The following HCFC1 variants were observed in gnomAD, a reference collection of about 807,000 sequenced individuals.
HCFC1 encodes host cell factor C1, also known as host cell factor 1.
In HCFC1, 7 loss-of-function variants were observed where a neutral mutation model predicts 105.5. That is an observed-to-expected ratio of 0.07 (90% CI 0.04 to 0.12). The LOEUF (loss-of-function observed/expected upper bound fraction) is 0.12. Among genes scored for constraint, HCFC1 ranks in the 10% least tolerant of loss-of-function variants. HCFC1 has a pLI of 1.00. For synonymous variants in HCFC1, 918 were observed against 828.1 expected (o/e 1.11, Z -1.86); for missense variants, 1,065 against 1,823.6 (o/e 0.58, Z 7.58).
rs960717299 is a variant in HCFC1 at position 153,948,254 on chromosome X, G to C, written c.*1093C>G. 7 of 111,958 alleles carry C rather than the reference G, an allele frequency of 6.3e-5. No individual in the cohort carries two copies. The highest frequency in any genetic ancestry group is 5.7e-4 in the Admixed American group (6 of 10,582). The allele number at this position is 111,958 out of a possible 1,213,427, so 9.2% of individuals were successfully genotyped here. ...CCCTCCCTCAAGCTCCCCTAGGCTC[G>C]ACCCTATAGATGCGGAGTGATCGCC... is the stretch of plus-strand genomic sequence containing the variant. On this transcript the variant is annotated 3_prime_UTR_variant, in exon 26 of 26. Coordinates refer to ENST00000310441, the MANE Select transcript of HCFC1 (RefSeq NM_005334.3).
chrX:153,962,850 G>A (rs782184038), intron 4 of HCFC1, among the ~76,000 whole-genome samples: 7 of 111,677 alleles, frequency 6.3e-5, no homozygotes, highest in Non-Finnish European at 1.1e-4. Context: ...ACGGTTTACC[G>A]GCATCCAATG....
Position 153,970,712 on chromosome X carries a change from C to T in HCFC1, c.129G>A (p.Glu43=). Residue 43 remains glutamate, a synonymous_variant, in exon 1 of 26, where the codon GAG becomes GAA. Coordinates refer to ENST00000310441, the MANE Select transcript of HCFC1 (RefSeq NM_005334.3). ...TGCCGCCGCCAAACACCACGATGAG[C>T]TCCTTGATGGCCACGGCGCGGTGGC... ...RHGHRAVAIK[E]LIVVFGGGNE... 8.3e-7 allele frequency: 1 copy of T among 1,210,043 alleles called. No individual in the cohort carries two copies.
At position 153,955,165 on chromosome X, in the gene HCFC1, C is replaced by T. The variant is rs781837930; in HGVS notation, c.3234G>A (p.Pro1078=). The T allele has an allele frequency of 1.4e-5, 17 of 1,207,566 alleles. No homozygotes were observed. The highest frequency in any genetic ancestry group is 2.3e-4 in the Middle Eastern group (1 of 4,360). Reference sequence around the variant, plus strand: ...TGCCCGTCTCGTGGGTCTCGCAGGGCGGGTTCGAACAGACTCGGACCACGC... The same window carrying T: ...TGCCCGTCTCGTGGGTCTCGCAGGGTGGGTTCGAACAGACTCGGACCACGC... ...NGSVVRVCSN[P]PCETHETGTT... Residue 1078 remains proline (P), a synonymous_variant, in exon 17 of 26, where the codon CCG becomes CCA. Transcript: ENST00000310441.
At position 153,971,209 on chromosome X, in the gene HCFC1, A is replaced by G. The variant is rs1557120088; in HGVS notation, c.-369T>C. The G allele has an allele frequency of 9.7e-6, 3 of 310,400 alleles. No homozygotes were observed. The highest frequency in any genetic ancestry group is 6.1e-5 in the Admixed American group (1 of 16,366). 25.6% of individuals were successfully genotyped at this position (310,400 alleles called of 1,213,427 possible). ...TCTCTCTCCTCCCTTCCTCAGTCGT[A>G]GCCCTCCCCCGCCGGAAATGGCGGA... On this transcript the variant is annotated 5_prime_UTR_variant, in exon 1 of 26. Transcript: ENST00000310441.
chrX:153,953,577 G>A lies in HCFC1; in HGVS notation c.4497+30C>T, dbSNP rs373519236. On this transcript the variant is annotated intron_variant, in intron 18 of 25. Coordinates refer to ENST00000310441, the MANE Select transcript of HCFC1 (RefSeq NM_005334.3). ...CTGCACGGGCGTAGGCCGGGAAGGC[G>A]GGGAAGAACACGGCCCCCTGGGCTC... The A allele has an allele frequency of 1.0e-4, 121 of 1,192,622 alleles. No homozygotes were observed. In the African/African-American group the frequency reaches 1.6e-3, roughly 16 times the overall value.
chrX:153,964,546 G>A (rs1557117851), intron 2 of HCFC1, 32 bp downstream of exon 2: 1 of 1,175,385 alleles, frequency 8.5e-7, no homozygotes, highest in Non-Finnish European at 1.1e-6. Flanking sequence ...ATGGGGCCAA[G>A]GAGGCAGAGT....
chrX:153,955,639 TG>T, intron 16 of HCFC1, 97 bp from the exon 17 acceptor site: 1 of 888,237 alleles, frequency 1.1e-6, no homozygotes, highest in Non-Finnish European at 1.5e-6. Context: ...CTGGGACCAC[TG>T]ACCACTTCTC....
rs182961154 is a variant in HCFC1 at position 153,957,170 on chromosome X, C to T, written c.2354-110G>A. The stretch of plus-strand genomic sequence containing the variant: ...TCACAGCCATAGCCCTGCCCATCTC[C>T]TCACTACCCTTAGACACAAAAGGCA... On this transcript the variant is annotated intron_variant, in intron 13 of 25. Transcript: ENST00000310441. 4.2e-3 allele frequency: 4,195 copies of T among 1,003,435 alleles called. 7 individuals are homozygous for T. The highest frequency in any genetic ancestry group is 4.9e-3 in the Non-Finnish European group (3,612 of 736,018). The allele number at this position is 1,003,435 out of a possible 1,213,427, so 82.7% of individuals were successfully genotyped here. A position where few individuals can be genotyped will look rare whatever the true frequency, so the allele number is the denominator to read the frequency against.
intron 24 of HCFC1, 21 bp from the exon 25 acceptor site, chrX:153,949,637 G>A: frequency 8.5e-7 from 1 of 1,179,120 alleles, no homozygotes; most frequent in Middle Eastern, 2.3e-4. Context: ...CGGGAGAGAT[G>A]CGTGAGCAGC....
chrX:153,957,292 A>C (rs201040458), intron 13 of HCFC1, 22 bp downstream of exon 13: 210 of 1,155,126 alleles, frequency 1.8e-4, no homozygotes, highest in Admixed American at 2.5e-4. Context: ...GCAGACACTC[A>C]TATGTCGGGG....
At chrX:153,950,698 TA>T in intron 23 of HCFC1, 114 bp downstream of exon 23, 2 of 892,428 alleles carry the variant, frequency 2.2e-6, no homozygotes, top group Non-Finnish European at 3.2e-6. Context: ...GTGGAAGGAC[TA>T]AGACAAACTG....
At position 153,971,314 on chromosome X, in the gene HCFC1, G is replaced by A. The variant is rs1353850541; in HGVS notation, c.-474C>T. ...CGGGTGGAAAGGAGCCACAAGCGCC[G>A]CGGTCGTCGCAGCCCCGCCGGCGCT... On this transcript the variant is annotated 5_prime_UTR_variant, in exon 1 of 26. Coordinates refer to ENST00000310441, the MANE Select transcript of HCFC1 (RefSeq NM_005334.3). The A allele has an allele frequency of 3.4e-6, 1 of 298,435 alleles. No homozygotes were observed. Among genetic ancestry groups the A allele is most frequent in the African/African-American group, 2.7e-5 (1 of 36,850 alleles). 24.6% of individuals were successfully genotyped at this position (298,435 alleles called of 1,213,427 possible).
intron 1 of HCFC1, among the ~76,000 whole-genome samples, chrX:153,968,663 T>C (rs1158904733): frequency 8.9e-6 from 1 of 112,574 alleles, no homozygotes; most frequent in African/African-American, 3.2e-5. Flanking sequence ...TCAATTCATT[T>C]TAATAAACTA....
intron 20 of HCFC1, 23 bp from the exon 21 acceptor site, chrX:153,951,730 C>T (rs782802942): frequency 5.5e-5 from 65 of 1,188,309 alleles, no homozygotes; most frequent in Non-Finnish European, 3.5e-5. Flanking sequence ...AAGGTGTCAG[C>T]GGGAAAGACT....
chrX:153,949,408 A>G, intron 25 of HCFC1, 22 bp from the exon 26 acceptor site: 3 of 1,198,447 alleles, frequency 2.5e-6, no homozygotes, highest in Admixed American at 4.4e-5. Flanking sequence ...GAAAAAGGAA[A>G]GAGAAAGTTA....
chrX:153,962,489 G>A (rs2065438748), intron 4 of HCFC1, among the ~76,000 whole-genome samples, 183 bp from the exon 5 acceptor site: 1 of 112,191 alleles, frequency 8.9e-6, no homozygotes, highest in African/African-American at 3.2e-5. Flanking sequence ...GTGTTACCCA[G>A]GCGGTTTCGA....
chrX:153,956,168 C>T, intron 16 of HCFC1, 23 bp downstream of exon 16: 2 of 1,188,428 alleles, frequency 1.7e-6, no homozygotes, highest in Admixed American at 2.2e-5. Context: ...CTCGCCCACA[C>T]GTGGCCTCAG....
chrX:153,964,552 AGAGT>A (rs2065458073), intron 2 of HCFC1, 22 bp downstream of exon 2: 2 of 1,180,242 alleles, frequency 1.7e-6, no homozygotes, highest in Non-Finnish European at 2.3e-6. Flanking sequence ...CCAAGGAGGC[AGAGT>A]GAGAACCTGG....
chrX:153,959,684 CA>C, intron 8 of HCFC1, 117 bp downstream of exon 8: 2 of 1,030,249 alleles, frequency 1.9e-6, no homozygotes, highest in Non-Finnish European at 2.6e-6. Flanking sequence ...GAGACAAGCC[CA>C]AAGCTCCCGG....
Sources: gnomAD v4.1 joint callset for allele counts (sites outside exome capture counted in the v4.1 genomes callset) on GRCh38, gnomAD v4.1.1 for gene constraint, MANE v1.5 for transcripts, NCBI Gene and HGNC (gene_info 2026-07-23, HGNC 2026-07-21) for gene names.